PPFIBP2: variants seen among roughly 807,000 people sequenced by gnomAD.
PPFIBP2 encodes the protein PPFIB scaffold protein 2, also known as liprin-beta-2.
A neutral mutation model predicts 118.3 loss-of-function variants in PPFIBP2; 118 were observed. That is an observed-to-expected ratio of 1.00 (90% CI 0.86 to 1.16). The LOEUF (loss-of-function observed/expected upper bound fraction) is 1.16, where lower values mean the gene tolerates loss of function less well. PPFIBP2 is among the 50% of genes most tolerant of loss of function. PPFIBP2 has a pLI of 0.00. For missense variants in PPFIBP2, 1,195 were observed against 1,073.1 expected (o/e 1.11, Z -1.59); for synonymous variants, 414 against 397.4 (o/e 1.04, Z -0.50).
chr11:7,552,764 C>A (rs146843664), intron 2 of PPFIBP2, among the ~76,000 whole-genome samples: 327 of 151,946 alleles, frequency 2.2e-3, no homozygotes, highest in African/African-American at 7.5e-3. Flanking sequence ...GCCCCCCCCT[C>A]TCCTGGAATG....
downstream of PPFIBP2, among the ~76,000 whole-genome samples, chr11:7,655,735 T>A (rs1354471719): frequency 2.6e-5 from 4 of 151,854 alleles, no homozygotes; most frequent in Non-Finnish European, 4.4e-5. Context: ...CATCGGCTGT[T>A]AGCCAAAGCC....
intron 3 of PPFIBP2, among the ~76,000 whole-genome samples, chr11:7,580,025 A>G (rs1279786404): frequency 1.3e-5 from 2 of 151,722 alleles, no homozygotes; most frequent in Admixed American, 6.6e-5. Context: ...ACTCACCCTT[A>G]ATCTGGAAGA....
the PPFIBP2 span, chr11:7,666,507 G>A: frequency 2.2e-4 from 348 of 1,613,442 alleles, no homozygotes; most frequent in Non-Finnish European, 2.8e-4. Context: ...GTGAGTCCTG[G>A]CAATTTCTTC....
In PPFIBP2 at chr11:7,648,534, A is replaced by G. The variant is rs376075465; in HGVS notation, c.1794A>G (p.Glu598=). 6.2e-7 allele frequency: 1 copy of G among 1,613,984 alleles called. No individual in the cohort carries two copies. Among genetic ancestry groups the G allele is most frequent in the Non-Finnish European group, 8.5e-7 (1 of 1,179,920 alleles). The part of the protein sequence containing the change: ...TLLTATPQDM[E]KELGIKHPLH... ...TGACAGCCACCCCTCAGGACATGGA[A>G]AAGGTAAGGGCTCAGCTTGGGGAGA... is the stretch of plus-strand genomic sequence containing the variant. Residue 598 remains glutamate (E), a synonymous_variant, in exon 18 of 24, where the codon GAA becomes GAG. Transcript: ENST00000299492.
chr11:7,664,863 G>T, the PPFIBP2 span, among the ~76,000 whole-genome samples: 1 of 146,398 alleles, frequency 6.8e-6, no homozygotes, highest in South Asian at 2.2e-4. Flanking sequence ...ATTTAAGGCA[G>T]TTTCTGGAAC....
At chr11:7,600,648 A>G (rs900922547) in intron 5 of PPFIBP2, among the ~76,000 whole-genome samples, 36 of 152,044 alleles carry the variant, frequency 2.4e-4, no homozygotes, top group African/African-American at 8.5e-4. Flanking sequence ...AAATCCTTTC[A>G]CTGTCTCAGT....
chr11:7,562,774 C>T (rs539135030), intron 2 of PPFIBP2, among the ~76,000 whole-genome samples: 6 of 151,388 alleles, frequency 4.0e-5, no homozygotes, highest in East Asian at 1.9e-4. Flanking sequence ...AGTCAAGTGG[C>T]GTTTGTCATC....
At chr11:7,552,820 A>G (rs545259209) in intron 2 of PPFIBP2, among the ~76,000 whole-genome samples, 42 of 152,248 alleles carry the variant, frequency 2.8e-4, no homozygotes, top group African/African-American at 1.0e-3. Context: ...CCGTACCGGA[A>G]GGCCTTCCCT....
the PPFIBP2 span, among the ~76,000 whole-genome samples, chr11:7,662,342 A>G: frequency 0.068 from 10,302 of 152,076 alleles, 395 homozygotes; most frequent in East Asian, 0.11. Context: ...GGGCAGGCCT[A>G]GTGGTGACAA....
chr11:7,549,624 T>TTTGGCA, intron 2 of PPFIBP2, 85 bp downstream of exon 2: 1 of 1,273,532 alleles, frequency 7.9e-7, no homozygotes, highest in African/African-American at 1.6e-5. Flanking sequence ...TTTTTTTTTT[T>TTTGGCA]TGGCATAGAG....
intron 5 of PPFIBP2, among the ~76,000 whole-genome samples, chr11:7,604,460 ACCCATACACG>A (rs200859582): frequency 0.018 from 2,638 of 148,734 alleles, 76 homozygotes; most frequent in African/African-American, 0.063. Flanking sequence ...CTACTCACCC[ACCCATACACG>A]CACACACACC....
chr11:7,657,454 C>T (rs1854777027), downstream of PPFIBP2, among the ~76,000 whole-genome samples: 1 of 152,162 alleles, frequency 6.6e-6, no homozygotes, highest in Non-Finnish European at 1.5e-5. Flanking sequence ...CACACCCTGC[C>T]TTCTGCCTCC....
In PPFIBP2 at chr11:7,574,890, A is replaced by G. The variant is rs892497603; in HGVS notation, c.279+9123A>G. On this transcript the variant is annotated intron_variant, in intron 3 of 23. Coordinates refer to ENST00000299492, the MANE Select transcript of PPFIBP2 (RefSeq NM_003621.5). Reference sequence around the variant, plus strand: ...ATGTACTTGGTGTTTAAGGAAAAACAAGGCTGAGATAAGACTTGCTACTTG... The same window carrying G: ...ATGTACTTGGTGTTTAAGGAAAAACGAGGCTGAGATAAGACTTGCTACTTG... Among the ~76,000 whole-genome samples the G allele has an allele frequency of 2.6e-5, 4 of 152,212 alleles. No homozygotes were observed. The East Asian group carries it at 5.8e-4, about 22-fold the overall frequency.
rs768290679 is a variant in PPFIBP2 at position 7,625,787 on chromosome 11, C to G, written c.722C>G (p.Ala241Gly). 2.5e-6 allele frequency: 4 copies of G among 1,614,152 alleles called. No individual in the cohort carries two copies. Among genetic ancestry groups the G allele is most frequent in the Non-Finnish European group, 3.4e-6 (4 of 1,179,974 alleles). The change falls in exon 8 of 24, where the codon GCC (alanine) becomes GGC (glycine). Residue 241 changes from alanine to glycine, a missense_variant. By Grantham distance (60) the Ala-to-Gly change is moderately conservative. Transcript: ENST00000299492. The part of the protein sequence containing the change: ...WKLKATKAEV[A>G]QLQEQVALKD... ...CTGTTGCTCTTCCAGGCTGAAGTCG[C>G]CCAGCTGCAAGAACAGGTGGCCCTG...
intron 1 of PPFIBP2, among the ~76,000 whole-genome samples, chr11:7,543,262 T>G (rs1216559863): frequency 6.6e-6 from 1 of 152,244 alleles, no homozygotes; most frequent in African/African-American, 2.4e-5. Flanking sequence ...AAATAACCAT[T>G]TAAGAGCAGC....
In PPFIBP2 at chr11:7,648,497, G is replaced by A. The variant is rs376575758; in HGVS notation, c.1757G>A (p.Gly586Asp). 3 of 1,614,014 alleles carry A rather than the reference G, an allele frequency of 1.9e-6. No homozygotes were observed. The highest frequency in any genetic ancestry group is 1.7e-6 in the Non-Finnish European group (2 of 1,180,024). Residue 586 changes from glycine (G) to aspartate (D), a missense_variant, in exon 18 of 24, where the codon GGC becomes GAC. Physicochemically the swap from Gly to Asp is moderately conservative, Grantham distance 94 (BLOSUM62 -1). Transcript: ENST00000299492. ...VIFARQWVSS[G>D]HTLLTATPQD... ...TTTGCCAGGCAGTGGGTATCTTCTG[G>A]CCACACCTTATTGACAGCCACCCCT...
chr11:7,626,302 A>T (rs1271705298), intron 8 of PPFIBP2, among the ~76,000 whole-genome samples: 1 of 152,228 alleles, frequency 6.6e-6, no homozygotes, highest in Non-Finnish European at 1.5e-5. Flanking sequence ...TACCTGCCTG[A>T]TGCCTGTATA....
chr11:7,518,060 G>A (rs1224484357), intron 1 of PPFIBP2, among the ~76,000 whole-genome samples: 1 of 152,244 alleles, frequency 6.6e-6, no homozygotes, highest in Non-Finnish European at 1.5e-5. Context: ...GTGTGGAGCT[G>A]TGGCCCCGTG....
chr11:7,615,438 G>A (rs537918543), intron 6 of PPFIBP2, among the ~76,000 whole-genome samples: 17 of 152,256 alleles, frequency 1.1e-4, no homozygotes, highest in Admixed American at 4.6e-4. Context: ...GAGAATTAAG[G>A]CAGAGTAGCC....
Sources: allele counts gnomAD v4.1 joint callset (sites outside exome capture counted in the v4.1 genomes callset), GRCh38; gene constraint gnomAD v4.1.1; transcripts MANE v1.5; gene names NCBI Gene and HGNC (gene_info 2026-07-23, HGNC 2026-07-21).